Variants in ATG5 observed in about 807,000 individuals in gnomAD.
ATG5 encodes the protein autophagy related 5, also known as autophagy protein 5.
Under a neutral mutation model 36.5 loss-of-function variants are expected in ATG5, and 14 were observed. That is an observed-to-expected ratio of 0.38 (90% CI 0.25 to 0.60). The LOEUF (loss-of-function observed/expected upper bound fraction) is 0.60. ATG5 is among the 20% of genes least tolerant of loss of function. ATG5 has a pLI of 0.60. For missense variants in ATG5, 195 were observed against 326.7 expected (o/e 0.60, Z 3.11); for synonymous variants, 95 against 101.5 (o/e 0.94, Z 0.38).
chr6:106,265,716 C>G (rs1779200903), intron 5 of ATG5, among the ~76,000 whole-genome samples: 1 of 152,046 alleles, frequency 6.6e-6, no homozygotes. Flanking sequence ...CAAAACTGTA[C>G]AACTACATGA....
At chr6:106,201,911 G>T in intron 7 of ATG5, 61 bp downstream of exon 7, 1 of 1,264,464 alleles carries the variant, frequency 7.9e-7, no homozygotes, top group Non-Finnish European at 1.1e-6. Context: ...AATGTGGAAT[G>T]CTTATTTTAC....
chr6:106,223,037 T>C (rs936336562), intron 6 of ATG5, among the ~76,000 whole-genome samples: 1 of 152,198 alleles, frequency 6.6e-6, no homozygotes, highest in Non-Finnish European at 1.5e-5. Context: ...AAAATGTTGA[T>C]TTCATTTAAT....
chr6:106,284,916 T>C (rs1466138563), intron 4 of ATG5, among the ~76,000 whole-genome samples: 1 of 152,218 alleles, frequency 6.6e-6, no homozygotes, highest in Non-Finnish European at 1.5e-5. Context: ...AGTATATGAT[T>C]TGCAAATATT....
intron 4 of ATG5, among the ~76,000 whole-genome samples, chr6:106,288,267 C>T (rs900403754): frequency 7.2e-5 from 11 of 151,846 alleles, no homozygotes; most frequent in African/African-American, 1.9e-4. Flanking sequence ...ACTGCCCTGC[C>T]GCACAATTAA....
At chr6:106,305,801 A>C (rs993103915) in intron 3 of ATG5, among the ~76,000 whole-genome samples, 1 of 152,218 alleles carries the variant, frequency 6.6e-6, no homozygotes, top group African/African-American at 2.4e-5. Flanking sequence ...TAAATGCCAG[A>C]TATTCTTATA....
intron 6 of ATG5, among the ~76,000 whole-genome samples, chr6:106,216,808 T>C (rs1207630976): frequency 6.6e-6 from 1 of 152,056 alleles, no homozygotes; most frequent in Non-Finnish European, 1.5e-5. Context: ...AGCCAGGAGT[T>C]CCAGGCTGTA....
intron 5 of ATG5, among the ~76,000 whole-genome samples, chr6:106,254,007 A>T (rs1778701956): frequency 6.6e-6 from 1 of 152,074 alleles, no homozygotes; most frequent in Non-Finnish European, 1.5e-5. Flanking sequence ...TTTCTCTGAG[A>T]TCTCACTGTC....
At chr6:106,236,823 A>C (rs534920173) in intron 6 of ATG5, among the ~76,000 whole-genome samples, 52 of 152,318 alleles carry the variant, frequency 3.4e-4, no homozygotes, top group African/African-American at 1.2e-3. Context: ...TATATGCCCC[A>C]TGAAAGCAAA....
At chr6:106,269,674 C>T (rs916829840) in intron 5 of ATG5, among the ~76,000 whole-genome samples, 1 of 152,214 alleles carries the variant, frequency 6.6e-6, no homozygotes, top group African/African-American at 2.4e-5. Context: ...TGCCCGGGGC[C>T]GGCAGGGCCG....
intron 5 of ATG5, among the ~76,000 whole-genome samples, chr6:106,278,677 T>C (rs1175530369): frequency 6.6e-6 from 1 of 152,238 alleles, no homozygotes; most frequent in East Asian, 1.9e-4. Context: ...AGTTTGTTTC[T>C]TTGTTGGATT....
At chr6:106,263,365 C>G (rs1213252110) in intron 5 of ATG5, among the ~76,000 whole-genome samples, 1 of 152,216 alleles carries the variant, frequency 6.6e-6, no homozygotes, top group Non-Finnish European at 1.5e-5. Flanking sequence ...GACAAAACCC[C>G]CATCTCCCTG....
intron 2 of ATG5, among the ~76,000 whole-genome samples, chr6:106,315,039 A>G (rs1770788281): frequency 6.6e-6 from 1 of 152,222 alleles, no homozygotes; most frequent in African/African-American, 2.4e-5. Context: ...CCACTTGAGG[A>G]GCCTGTGCCA....
chr6:106,198,100 C>G (rs941575448), intron 7 of ATG5, among the ~76,000 whole-genome samples: 10 of 149,556 alleles, frequency 6.7e-5, no homozygotes, highest in African/African-American at 2.5e-4. Context: ...AAAACAAACA[C>G]CCTTATAACA....
At chr6:106,258,420 T>C (rs1778884432) in intron 5 of ATG5, among the ~76,000 whole-genome samples, 1 of 151,848 alleles carries the variant, frequency 6.6e-6, no homozygotes, top group East Asian at 1.9e-4. Context: ...CAAACAATAC[T>C]AGAGTGAGAA....
At chr6:106,215,713 CA>C (rs776146976) in intron 6 of ATG5, among the ~76,000 whole-genome samples, 8 of 151,956 alleles carry the variant, frequency 5.3e-5, no homozygotes, top group Non-Finnish European at 1.0e-4. Context: ...TGGTTTCTTA[CA>C]TACGGCAACC....
intron 5 of ATG5, among the ~76,000 whole-genome samples, chr6:106,259,838 C>T (rs1399219616): frequency 3.3e-5 from 5 of 152,260 alleles, no homozygotes; most frequent in East Asian, 1.9e-4. Context: ...GCACTATTCA[C>T]GGTAGCAAAG....
intron 6 of ATG5, among the ~76,000 whole-genome samples, chr6:106,240,573 C>T (rs1778082714): frequency 6.6e-6 from 1 of 151,662 alleles, no homozygotes; most frequent in African/African-American, 2.4e-5. Context: ...AGTTATAATG[C>T]CCTATTGCTG....
intron 6 of ATG5, chr6:106,217,750 GAACTT>G (rs1376800229): frequency 6.6e-6 from 1 of 152,048 alleles, no homozygotes; most frequent in East Asian, 1.9e-4. Context: ...CTTGTCCTAG[GAACTT>G]AACTATTATT....
At position 106,186,226 on chromosome 6, in the gene ATG5, T is replaced by G. The variant is rs751753615; in HGVS notation, c.*314A>C. The G allele has an allele frequency of 7.8e-6, 2 of 257,734 alleles. No homozygotes were observed. The highest frequency in any genetic ancestry group is 2.6e-4 in the South Asian group (2 of 7,604). 16.0% of individuals were successfully genotyped at this position (257,734 alleles called of 1,614,324 possible). A position where few individuals can be genotyped will look rare whatever the true frequency, so the allele number is the denominator to read the frequency against. ...TTGTTAATCAGAAATACAAATCGAG[T>G]GGCACATACTTCCATTTTCTTCTTA... On this transcript the variant is annotated 3_prime_UTR_variant, in exon 8 of 8. Transcript: ENST00000369076.
Sources: allele counts gnomAD v4.1 joint callset (sites outside exome capture counted in the v4.1 genomes callset), GRCh38; gene constraint gnomAD v4.1.1; transcripts MANE v1.5; gene names NCBI Gene and HGNC (gene_info 2026-07-23, HGNC 2026-07-21).